Variants in PCAT7 observed in about 807,000 individuals in gnomAD.
PCAT7 encodes the protein prostate cancer associated transcript 7.
At chr9:94,555,212 T>C (rs1051824689) in exon 1 of PCAT7, 1 of 151,884 alleles carries the variant, frequency 6.6e-6, no homozygotes, top group Non-Finnish European at 1.5e-5. Flanking sequence ...GGAAAAGGAG[T>C]CACAGGTCGT....
intron 2 of PCAT7, among the ~76,000 whole-genome samples, chr9:94,564,594 A>T (rs1827158628): frequency 6.6e-6 from 1 of 152,178 alleles, no homozygotes; most frequent in Non-Finnish European, 1.5e-5. Flanking sequence ...CTCACTTATA[A>T]GTAGGAGCTA....
intron 2 of PCAT7, chr9:94,567,601 G>A: frequency 1.7e-6 from 1 of 576,622 alleles, no homozygotes; most frequent in Non-Finnish European, 3.0e-6. Flanking sequence ...AGCCCACACA[G>A]GAAGCTCTAG....
intron 2 of PCAT7, chr9:94,559,203 T>A: frequency 7.1e-7 from 1 of 1,410,382 alleles, no homozygotes; most frequent in Non-Finnish European, 9.8e-7. Flanking sequence ...CCCCTAAAGC[T>A]GGGGGAGGAG....
At chr9:94,572,237 G>A (rs1276457721) in intron 2 of PCAT7, among the ~76,000 whole-genome samples, 1 of 152,024 alleles carries the variant, frequency 6.6e-6, no homozygotes, top group Non-Finnish European at 1.5e-5. Flanking sequence ...ACATCCAACC[G>A]GTGCAAAATG....
At chr9:94,564,524 T>C (rs1305585846) in intron 2 of PCAT7, among the ~76,000 whole-genome samples, 1 of 152,168 alleles carries the variant, frequency 6.6e-6, no homozygotes, top group African/African-American at 2.4e-5. Context: ...TGGGTGGAGC[T>C]GAAGGCCTAA....
At chr9:94,563,877 T>C (rs1340471903) in intron 2 of PCAT7, among the ~76,000 whole-genome samples, 2 of 151,948 alleles carry the variant, frequency 1.3e-5, no homozygotes, top group African/African-American at 4.8e-5. Context: ...ACCAATAAAG[T>C]TCAAAAAAGA....
At chr9:94,572,457 C>T (rs1399727258) in intron 2 of PCAT7, among the ~76,000 whole-genome samples, 1 of 152,204 alleles carries the variant, frequency 6.6e-6, no homozygotes. Flanking sequence ...TACGTAGAAG[C>T]TTTGTAAACC....
chr9:94,572,468 C>G (rs1324020022), intron 2 of PCAT7, among the ~76,000 whole-genome samples: 2 of 152,146 alleles, frequency 1.3e-5, no homozygotes, highest in South Asian at 2.1e-4. Flanking sequence ...TTTGTAAACC[C>G]GAATGTTCTT....
At chr9:94,565,619 G>GT (rs777116575) in intron 2 of PCAT7, among the ~76,000 whole-genome samples, 13 of 152,088 alleles carry the variant, frequency 8.5e-5, no homozygotes, top group Admixed American at 2.6e-4. Flanking sequence ...TAAGCTCCTA[G>GT]TTTTTTAGCC....
chr9:94,557,635 G>A (rs148119166), intron 1 of PCAT7, among the ~76,000 whole-genome samples: 2 of 152,284 alleles, frequency 1.3e-5, no homozygotes, highest in South Asian at 4.1e-4. Flanking sequence ...CTTCCTCCAG[G>A]GCCTTGCCTG....
At chr9:94,571,493 C>T (rs762728707) in intron 2 of PCAT7, 1 of 1,613,758 alleles carries the variant, frequency 6.2e-7, no homozygotes, top group South Asian at 1.1e-5. Flanking sequence ...CACGCCTTGC[C>T]CTGTGGAGAG....
chr9:94,556,095 A>C (rs1827007808), intron 1 of PCAT7, among the ~76,000 whole-genome samples: 1 of 141,480 alleles, frequency 7.1e-6, no homozygotes, highest in Non-Finnish European at 1.5e-5. Flanking sequence ...AGGGAAGGAG[A>C]GTGGCAAGGA....
At chr9:94,555,788 TG>T (rs1488869385) in intron 1 of PCAT7, among the ~76,000 whole-genome samples, 1 of 151,032 alleles carries the variant, frequency 6.6e-6, no homozygotes, top group Non-Finnish European at 1.5e-5. Flanking sequence ...AAAAAGTGTT[TG>T]GGTAGATGGA....
At chr9:94,571,660 G>A (rs1827271901) in intron 2 of PCAT7, 5 of 1,494,242 alleles carry the variant, frequency 3.3e-6, no homozygotes, top group Admixed American at 2.0e-5. Context: ...AGAACACTTT[G>A]CCAGGGGCCT....
exon 2 of PCAT7, chr9:94,559,021 G>T (rs1483237086): frequency 6.2e-7 from 1 of 1,613,962 alleles, no homozygotes; most frequent in Non-Finnish European, 8.5e-7. Context: ...GGGACTCGCT[G>T]GTGAATTGCC....
chr9:94,555,236 G>C (rs1347915512), exon 1 of PCAT7: 2 of 152,044 alleles, frequency 1.3e-5, no homozygotes, highest in Non-Finnish European at 2.9e-5. Context: ...CTGGAGGCTT[G>C]AGCCGCGGCA....
rs145930861 is a variant in PCAT7, at chr9:94,566,087, G to A, written n.442-6892G>A. ...TGCTTAATCTTCTCATCAAACAATG[G>A]CAATTTTGCAAGAGTTTTGATGGAA... On this transcript the variant is annotated intron_variant and non_coding_transcript_variant, in intron 2 of 8. Coordinates refer to ENST00000647389, the Ensembl canonical transcript of PCAT7. 7.0e-4 allele frequency among the ~76,000 whole-genome samples: 106 copies of A among 152,256 alleles called. 1 individual carries two copies. Among genetic ancestry groups the A allele is most frequent in the African/African-American group, 2.3e-3 (95 of 41,546 alleles).
At chr9:94,574,507 CTTG>C (rs1359222952) in intron 3 of PCAT7, among the ~76,000 whole-genome samples, 3 of 151,966 alleles carry the variant, frequency 2.0e-5, no homozygotes, top group African/African-American at 4.8e-5. Flanking sequence ...TATTCAACTT[CTTG>C]TTTATTTTAA....
At chr9:94,563,281 C>A in intron 2 of PCAT7, 1 of 1,576,118 alleles carries the variant, frequency 6.3e-7, no homozygotes, top group Non-Finnish European at 8.6e-7. Context: ...GCAGGTGTGA[C>A]GGGAGGGAGC....
Sources: gnomAD v4.1 joint callset for allele counts (sites outside exome capture counted in the v4.1 genomes callset) on GRCh38, gnomAD v4.1.1 for gene constraint, MANE v1.5 for transcripts, NCBI Gene and HGNC (gene_info 2026-07-23, HGNC 2026-07-21) for gene names.